Variants in RYR2 observed in about 807,000 individuals in gnomAD.
RYR2 encodes cardiac muscle ryanodine receptor-calcium release channel.
In RYR2, 227 loss-of-function variants were observed where a neutral mutation model predicts 601.1. That is an observed-to-expected ratio of 0.38 (90% CI 0.34 to 0.42). The LOEUF is 0.42. Ranked by LOEUF, RYR2 falls within the 10% of genes least tolerant of loss-of-function variation. RYR2 has a pLI of 1.00. For missense variants in RYR2, 4,646 were observed against 6,156.5 expected (o/e 0.75, Z 8.21); for synonymous variants, 2,223 against 2,175.1 (o/e 1.02, Z -0.61).
intron 62 of RYR2, among the ~76,000 whole-genome samples, chr1:237,683,627 T>G (rs558948941): frequency 2.6e-4 from 40 of 152,348 alleles, no homozygotes; most frequent in African/African-American, 9.4e-4. Flanking sequence ...GTAGGTTATA[T>G]AGATGGTAAT....
chr1:237,447,594 C>A (rs1657527690), intron 14 of RYR2, among the ~76,000 whole-genome samples: 1 of 152,092 alleles, frequency 6.6e-6, no homozygotes, highest in East Asian at 1.9e-4. Flanking sequence ...GATTCCCAGT[C>A]TCATTTTTTC....
intron 16 of RYR2, among the ~76,000 whole-genome samples, chr1:237,467,134 A>G (rs1214741185): frequency 6.7e-6 from 1 of 148,442 alleles, no homozygotes; most frequent in Non-Finnish European, 1.5e-5. Context: ...ATAATATGAT[A>G]ATGATATATG....
At chr1:237,560,997 A>G (rs542362520) in intron 27 of RYR2, among the ~76,000 whole-genome samples, 78 of 152,292 alleles carry the variant, frequency 5.1e-4, no homozygotes, top group Non-Finnish European at 1.0e-3. Context: ...TTGGACAGTA[A>G]TTGGGGTTAA....
At chr1:237,682,337 G>C (rs868590838) in intron 62 of RYR2, among the ~76,000 whole-genome samples, 1 of 152,036 alleles carries the variant, frequency 6.6e-6, no homozygotes, top group Admixed American at 6.6e-5. Context: ...ATGTCCCTTT[G>C]GGGCTCTAGA....
intron 63 of RYR2, among the ~76,000 whole-genome samples, chr1:237,698,105 AGTGTGTGTGTGT>A (rs3999833): frequency 2.1e-3 from 300 of 140,132 alleles, no homozygotes; most frequent in African/African-American, 5.8e-3. Context: ...AGGAGATGAT[AGTGTGTGTGTGT>A]GTGTGTGTGT....
chr1:237,456,656 A>C lies in RYR2; in HGVS notation c.1533A>C (p.Ala511=), dbSNP rs572991665. 6.2e-7 allele frequency: 1 copy of C among 1,613,578 alleles called. No homozygotes were observed. Among genetic ancestry groups the C allele is most frequent in the Non-Finnish European group, 8.5e-7 (1 of 1,179,652 alleles). ...CIDRLHVYSS[A]AHFADVAGRE... ...ACCGTTTGCACGTCTACAGCAGTGC[A>C]GCACACTTTGCTGATGTTGCTGGGC... Residue 511 remains alanine (A), a synonymous_variant, in exon 16 of 105, where the codon GCA becomes GCC. Coordinates refer to ENST00000366574, the MANE Select transcript of RYR2 (RefSeq NM_001035.3).
intron 63 of RYR2, among the ~76,000 whole-genome samples, chr1:237,698,104 TAGTG>T (rs1203553725): frequency 2.6e-4 from 26 of 99,776 alleles, no homozygotes; most frequent in Admixed American, 1.8e-3. Flanking sequence ...CAGGAGATGA[TAGTG>T]TGTGTGTGTG....
intron 16 of RYR2, among the ~76,000 whole-genome samples, chr1:237,459,237 T>C (rs1659191136): frequency 6.6e-6 from 1 of 152,184 alleles, no homozygotes; most frequent in African/African-American, 2.4e-5. Flanking sequence ...GATGCTTAAG[T>C]AAAGAGTTGC....
chr1:237,477,501 G>T (rs966689578), intron 17 of RYR2, among the ~76,000 whole-genome samples: 6 of 152,196 alleles, frequency 3.9e-5, no homozygotes, highest in African/African-American at 1.4e-4. Context: ...CATTGTCAGG[G>T]ACAGAACTGA....
chr1:237,057,346 C>T (rs967661291), intron 1 of RYR2, among the ~76,000 whole-genome samples: 36 of 151,998 alleles, frequency 2.4e-4, no homozygotes, highest in African/African-American at 8.7e-4. Context: ...TCATCACGCC[C>T]GGCTAATTTT....
rs1052910703 is a variant in RYR2, at chr1:237,798,276, A to ATAGAT, written c.14090+107_14090+111dup. ...TTTCCTTTCCTTCAATGTCAGAAGA[A>ATAGAT]TAGATAGATGAGGAAAACAGAAAGT... On this transcript the variant is annotated intron_variant, in intron 97 of 104. Coordinates refer to ENST00000366574, the MANE Select transcript of RYR2 (RefSeq NM_001035.3). 5.3e-4 allele frequency: 545 copies of ATAGAT among 1,020,316 alleles called. 1 individual carries two copies. The African/African-American group carries it at 8.8e-3, about 16-fold the overall frequency. The allele number at this position is 1,020,316 out of a possible 1,614,324, so 63.2% of individuals were successfully genotyped here. A position where few individuals can be genotyped will look rare whatever the true frequency, so the allele number is the denominator to read the frequency against.
intron 10 of RYR2, among the ~76,000 whole-genome samples, chr1:237,394,450 G>A (rs1702646774): frequency 6.6e-6 from 1 of 152,186 alleles, no homozygotes; most frequent in African/African-American, 2.4e-5. Context: ...TGCTTCTTGG[G>A]ATGCTGGTTA....
chr1:237,798,797 CACACATAT>C (rs61405180), intron 97 of RYR2, among the ~76,000 whole-genome samples: 2,599 of 120,748 alleles, frequency 0.022, 74 homozygotes, highest in African/African-American at 0.07. Context: ...CACACACACA[CACACATAT>C]AGTGTGAGTG....
In RYR2 at chr1:237,804,704, G is replaced by A. The variant is rs138242985; in HGVS notation, c.14152-1433G>A. Among the ~76,000 whole-genome samples the A allele has an allele frequency of 8.8e-3, 1,342 of 152,206 alleles. 24 individuals are homozygous for A. The highest frequency in any genetic ancestry group is 0.031 in the African/African-American group (1,289 of 41,528). On this transcript the variant is annotated intron_variant, in intron 98 of 104. Coordinates refer to ENST00000366574, the MANE Select transcript of RYR2 (RefSeq NM_001035.3). ...TAGGTGTATTATAGCTTTCAGTGAC[G>A]TCACATGGTATTTGGGTTTCTCCTA...
chr1:237,680,293 C>T (rs1431961662), intron 61 of RYR2, among the ~76,000 whole-genome samples, 163 bp from the exon 62 acceptor site: 10 of 152,058 alleles, frequency 6.6e-5, no homozygotes, highest in Admixed American at 1.3e-4. Flanking sequence ...TGGCTGGAGA[C>T]GGTAGAGTGA....
intron 1 of RYR2, among the ~76,000 whole-genome samples, chr1:237,191,767 T>G (rs1679990267): frequency 6.6e-6 from 1 of 152,204 alleles, no homozygotes; most frequent in African/African-American, 2.4e-5. Flanking sequence ...AATACCGGTT[T>G]TATGTGAAAA....
rs116053947 is a variant in RYR2, at chr1:237,136,080, T to C, written c.48+93511T>C. ...GGCTGTTGAGAAGGAGAGATGCATA[T>C]AATTACCAACATAACTTGAGTGTCC... On this transcript the variant is annotated intron_variant, in intron 1 of 104. Coordinates refer to ENST00000366574, the MANE Select transcript of RYR2 (RefSeq NM_001035.3). 5.8e-3 allele frequency among the ~76,000 whole-genome samples: 877 copies of C among 152,342 alleles called. 9 individuals carry two copies. Among genetic ancestry groups the C allele is most frequent in the African/African-American group, 0.02 (832 of 41,578 alleles).
chr1:237,216,760 AAAAAAC>A (rs1291844777), intron 1 of RYR2, among the ~76,000 whole-genome samples: 2 of 151,622 alleles, frequency 1.3e-5, no homozygotes, highest in African/African-American at 2.4e-5. Flanking sequence ...ACCAAAAAAA[AAAAAAC>A]AAAAAACAAA....
chr1:237,439,377 G>A (rs1707687976), intron 12 of RYR2, among the ~76,000 whole-genome samples: 1 of 152,150 alleles, frequency 6.6e-6, no homozygotes, highest in Non-Finnish European at 1.5e-5. Context: ...GGGAGCGGTG[G>A]CTCACACCTG....
Sources: allele counts gnomAD v4.1 joint callset (sites outside exome capture counted in the v4.1 genomes callset), GRCh38; gene constraint gnomAD v4.1.1; transcripts MANE v1.5; gene names NCBI Gene and HGNC (gene_info 2026-07-23, HGNC 2026-07-21).